Variants in NFASC observed in about 807,000 individuals in gnomAD.
NFASC encodes neurofascin, also known as neurofascin homolog.
NFASC carries 43 observed loss-of-function variants against 147.5 expected under a neutral mutation model. That is an observed-to-expected ratio of 0.29 (90% CI 0.23 to 0.38). The LOEUF (loss-of-function observed/expected upper bound fraction) is 0.38, where lower values mean the gene tolerates loss of function less well. NFASC is among the 10% of genes least tolerant of loss of function. NFASC has a pLI of 1.00. For synonymous variants in NFASC, 622 were observed against 665.5 expected, an observed-to-expected ratio of 0.93 and a Z score of 1.01; for missense variants, 1,320 against 1,689.0, an observed-to-expected ratio of 0.78 and a Z score of 3.83.
chr1:205,007,457 G>C (rs2150979059), intron 27 of NFASC, among the ~76,000 whole-genome samples: 1 of 146,898 alleles, frequency 6.8e-6, no homozygotes, highest in Admixed American at 6.8e-5. Context: ...TGGGATGGGA[G>C]GAGAAGGGGA....
chr1:204,995,639 C>T (rs1231872790), intron 24 of NFASC, among the ~76,000 whole-genome samples: 3 of 152,012 alleles, frequency 2.0e-5, no homozygotes, highest in Non-Finnish European at 4.4e-5. Flanking sequence ...CCAGCACCCT[C>T]GGGGCACAGT....
rs960406716 is a variant in NFASC, at chr1:205,010,773, C to T, written c.3421+1085C>T. On this transcript the variant is annotated intron_variant, in intron 28 of 29. Transcript: ENST00000339876. The surrounding 1 kb of genome is among the most constrained non-coding windows in gnomAD (Gnocchi z 4.1). Reference sequence around the variant, plus strand: ...AAAAAATTAGCTGGGTGTTTTGGCACGTGCCTATAATCCCAGCTACTCAGG... The same window carrying T: ...AAAAAATTAGCTGGGTGTTTTGGCATGTGCCTATAATCCCAGCTACTCAGG... 6.6e-5 allele frequency: 10 copies of T among 151,948 alleles called. No homozygotes were observed. Among genetic ancestry groups the T allele is most frequent in the African/African-American group, 1.9e-4 (8 of 41,360 alleles). The allele number at this position is 151,948 out of a possible 1,614,324, so 9.4% of individuals were successfully genotyped here.
intron 1 of NFASC, among the ~76,000 whole-genome samples, chr1:204,849,808 A>T (rs1028308676): frequency 6.6e-6 from 1 of 152,222 alleles, no homozygotes; most frequent in African/African-American, 2.4e-5. Flanking sequence ...GAGCAGGCAC[A>T]GCAGGCCTCT....
At chr1:205,014,051 G>A (rs7529986) in intron 29 of NFASC, among the ~76,000 whole-genome samples, 1 of 152,140 alleles carries the variant, frequency 6.6e-6, no homozygotes, top group Non-Finnish European at 1.5e-5. Context: ...GACTTCCCTG[G>A]CTTTTTGTTC....
chr1:204,862,477 G>A (rs1202228938), intron 1 of NFASC, among the ~76,000 whole-genome samples: 2 of 152,200 alleles, frequency 1.3e-5, no homozygotes, highest in Non-Finnish European at 2.9e-5. Flanking sequence ...GGCTTTATAG[G>A]CATATAATAA....
intron 21 of NFASC, among the ~76,000 whole-genome samples, chr1:204,982,738 C>T (rs1403621228): frequency 2.6e-5 from 4 of 152,218 alleles, no homozygotes; most frequent in Admixed American, 6.5e-5. Flanking sequence ...GCAGGGGTGT[C>T]GGGGAGTCCC....
intron 2 of NFASC, among the ~76,000 whole-genome samples, chr1:204,936,632 G>A (rs1214534563): frequency 6.6e-6 from 1 of 152,026 alleles, no homozygotes; most frequent in African/African-American, 2.4e-5. Flanking sequence ...GGTGTCTGGT[G>A]TGCAGGCTGA....
At chr1:204,872,133 C>T (rs2077821103) in intron 1 of NFASC, among the ~76,000 whole-genome samples, 1 of 152,226 alleles carries the variant, frequency 6.6e-6, no homozygotes, top group African/African-American at 2.4e-5. Context: ...GGAGTATTGC[C>T]TCCCTGGCTC....
chr1:204,883,993 G>A (rs2080833449), intron 1 of NFASC, among the ~76,000 whole-genome samples: 1 of 152,222 alleles, frequency 6.6e-6, no homozygotes, highest in Admixed American at 6.5e-5. Flanking sequence ...GGGGAACCCA[G>A]CATAACAGTG....
At chr1:204,997,475 A>C in intron 25 of NFASC, 69 bp downstream of exon 25, 1 of 1,521,214 alleles carries the variant, frequency 6.6e-7, no homozygotes, top group Non-Finnish European at 8.9e-7. Flanking sequence ...AGACGAACCC[A>C]CAGGCTCCCC....
chr1:204,976,987 G>C, intron 16 of NFASC, 192 bp downstream of exon 16: 1 of 1,352,444 alleles, frequency 7.4e-7, no homozygotes, highest in Non-Finnish European at 9.5e-7. Context: ...TGCTGGACAG[G>C]TTACCTCCTG....
intron 4 of NFASC, among the ~76,000 whole-genome samples, chr1:204,951,309 C>T (rs1325122495): frequency 2.1e-5 from 3 of 143,118 alleles, no homozygotes; most frequent in Non-Finnish European, 4.6e-5. Flanking sequence ...CCACCATGCC[C>T]GGCTAATTTT....
Position 204,975,241 on chromosome 1 carries a change from C to G in NFASC, c.1559-30C>G. 1 of 1,588,798 alleles carries G rather than the reference C, an allele frequency of 6.3e-7. No individual in the cohort carries two copies. The highest frequency in any genetic ancestry group is 1.3e-5 in the African/African-American group (1 of 74,500). On this transcript the variant is annotated intron_variant, in intron 14 of 29. Coordinates refer to ENST00000339876, the MANE Select transcript of NFASC (RefSeq NM_001005388.3). The surrounding 1 kb of genome is among the most constrained non-coding windows in gnomAD (Gnocchi z 4.0). Reference sequence around the variant, plus strand: ...TGGGGATGCTGGGCAGAGAACAGGCCAGTGGCGAGTGCTCTGGGCTTCTCC... The same window carrying G: ...TGGGGATGCTGGGCAGAGAACAGGCGAGTGGCGAGTGCTCTGGGCTTCTCC...
Position 204,979,680 on chromosome 1 carries a change from AT to A in NFASC, c.2176+122del. The stretch of plus-strand genomic sequence containing the variant: ...CTTAACTTCTCCAAGGCCCGGCCTC[AT>A]CTGTGAGGCAGAGAGTAATAATAAC... On this transcript the variant is annotated intron_variant, in intron 19 of 29. Transcript: ENST00000339876. This position sits in a 1 kb window ranked among gnomAD's most constrained non-coding sequence, Gnocchi z 6.0. 2.3e-6 allele frequency: 2 copies of A among 862,772 alleles called. No individual in the cohort carries two copies. Among genetic ancestry groups the A allele is most frequent in the Non-Finnish European group, 3.9e-6 (2 of 512,952 alleles). 53.4% of individuals were successfully genotyped at this position (862,772 alleles called of 1,614,324 possible).
intron 12 of NFASC, 29 bp from the exon 13 acceptor site, chr1:204,974,150 A>C: frequency 6.4e-7 from 1 of 1,574,780 alleles, no homozygotes; most frequent in Non-Finnish European, 8.7e-7. Flanking sequence ...TAGACTTGGC[A>C]CTCGAGATTG....
Position 204,908,543 on chromosome 1 carries a change from C to T in NFASC, c.-199-12089C>T, listed in dbSNP as rs575471680. ...TTTGAGGGTATTATAGATTCACATTCAGTTGTAGCAGATAACACTACTTTG... is the reference window on the plus strand; with the variant it reads ...TTTGAGGGTATTATAGATTCACATTTAGTTGTAGCAGATAACACTACTTTG... On this transcript the variant is annotated intron_variant, in intron 1 of 29. Coordinates refer to ENST00000339876, the MANE Select transcript of NFASC (RefSeq NM_001005388.3). 1.4e-4 allele frequency among the ~76,000 whole-genome samples: 22 copies of T among 152,118 alleles called. No individual in the cohort carries two copies. The East Asian group carries it at 2.7e-3, about 19-fold the overall frequency.
At chr1:204,892,596 G>A (rs1193367123) in intron 1 of NFASC, among the ~76,000 whole-genome samples, 1 of 152,218 alleles carries the variant, frequency 6.6e-6, no homozygotes, top group African/African-American at 2.4e-5. Flanking sequence ...CACTTGAAAT[G>A]TGGCTGACCT....
At chr1:204,997,636 T>C in intron 25 of NFASC, 1 of 605,356 alleles carries the variant, frequency 1.7e-6, no homozygotes, top group Non-Finnish European at 3.0e-6. Context: ...CCTTGGGTGG[T>C]CCTCCACCAC....
rs539405881 is a variant in NFASC at position 204,829,167 on chromosome 1, T to G, written c.-200+385T>G. Among the ~76,000 whole-genome samples the G allele has an allele frequency of 9.7e-4, 146 of 149,832 alleles. 1 individual carries two copies. Among genetic ancestry groups the G allele is most frequent in the African/African-American group, 3.4e-3 (138 of 40,560 alleles). On this transcript the variant is annotated intron_variant, in intron 1 of 29. Coordinates refer to ENST00000339876, the MANE Select transcript of NFASC (RefSeq NM_001005388.3). ...CCACTTTGGATGACCCCATGCCTCCTGTATTTCCTACCGCACACATCAGCC... is the reference window on the plus strand; with the variant it reads ...CCACTTTGGATGACCCCATGCCTCCGGTATTTCCTACCGCACACATCAGCC...
Sources: gnomAD v4.1 joint callset for allele counts (sites outside exome capture counted in the v4.1 genomes callset) on GRCh38, gnomAD v4.1.1 for gene constraint, Gnocchi (gnomAD v3.1) non-coding constraint, MANE v1.5 for transcripts, NCBI Gene and HGNC (gene_info 2026-07-23, HGNC 2026-07-21) for gene names.